The following NCOA1 variants were observed in gnomAD, a reference collection of about 807,000 sequenced individuals.
NCOA1 encodes Hin-2 protein.
NCOA1 carries 35 observed loss-of-function variants against 150.9 expected under a neutral mutation model. That is an observed-to-expected ratio of 0.23 (90% CI 0.18 to 0.31). The LOEUF (loss-of-function observed/expected upper bound fraction) is 0.31. NCOA1 is among the 10% of genes least tolerant of loss of function. The pLI, the probability that NCOA1 is intolerant of heterozygous loss-of-function variation, is 1.00. For missense variants in NCOA1, 1,491 were observed against 1,749.3 expected, an observed-to-expected ratio of 0.85 and a Z score of 2.63; for synonymous variants, 590 against 630.0, an observed-to-expected ratio of 0.94 and a Z score of 0.95.
At chr2:24,739,671 G>A in intron 18 of NCOA1, 138 bp downstream of exon 18, 1 of 564,450 alleles carries the variant, frequency 1.8e-6, no homozygotes, top group Admixed American at 3.4e-5. Context: ...CTTTGAGAAT[G>A]AATTAATAAT....
At chr2:24,493,483 A>G (rs1376317921) in intron 1 of NCOA1, among the ~76,000 whole-genome samples, 2 of 152,330 alleles carry the variant, frequency 1.3e-5, no homozygotes, top group East Asian at 3.9e-4. Context: ...AATTTTACGT[A>G]GCTTACACTT....
intron 3 of NCOA1, among the ~76,000 whole-genome samples, chr2:24,632,500 C>G (rs1669750910): frequency 6.6e-6 from 1 of 152,162 alleles, no homozygotes; most frequent in South Asian, 2.1e-4. Flanking sequence ...AACAGAGGGT[C>G]TCTTGGCTAG....
chr2:24,643,479 T>C (rs920275333), intron 3 of NCOA1, among the ~76,000 whole-genome samples: 1 of 152,328 alleles, frequency 6.6e-6, no homozygotes, highest in South Asian at 2.1e-4. Context: ...TAGTTCATCA[T>C]TACTAGAACC....
In NCOA1 at chr2:24,724,530, A is replaced by G. The variant is rs1224011855; in HGVS notation, c.2600-2059A>G. Among the ~76,000 whole-genome samples, 3 of 152,250 alleles carry G rather than the reference A, an allele frequency of 2.0e-5. No individual in the cohort carries two copies. The East Asian group carries it at 5.8e-4, about 29-fold the overall frequency. On this transcript the variant is annotated intron_variant, in intron 14 of 22. Coordinates refer to ENST00000348332, the MANE Select transcript of NCOA1 (RefSeq NM_003743.5). ...AAACTTTTTTTTGACTTAAAATTTT[A>G]TTAGTATGGGGATTTTTTTGTTTGT...
At chr2:24,540,865 C>T (rs148686998) in intron 1 of NCOA1, among the ~76,000 whole-genome samples, 2 of 152,220 alleles carry the variant, frequency 1.3e-5, no homozygotes, top group African/African-American at 4.8e-5. Context: ...ATTAAGAAGA[C>T]ATATGTGTGG....
intron 17 of NCOA1, among the ~76,000 whole-genome samples, chr2:24,733,482 G>A (rs368199412): frequency 6.6e-6 from 1 of 152,274 alleles, no homozygotes; most frequent in East Asian, 1.9e-4. Context: ...AGTGGCTCAC[G>A]CCTGTAATCC....
At chr2:24,764,093 G>A (rs946382631) in intron 22 of NCOA1, among the ~76,000 whole-genome samples, 12 of 152,228 alleles carry the variant, frequency 7.9e-5, no homozygotes, top group African/African-American at 2.7e-4. Flanking sequence ...GCTATGCACT[G>A]TATGCATTAT....
chr2:24,695,125 C>G (rs1217190060), intron 10 of NCOA1, among the ~76,000 whole-genome samples: 2 of 152,034 alleles, frequency 1.3e-5, no homozygotes, highest in Non-Finnish European at 2.9e-5. Context: ...GCTTTGAGGA[C>G]TGTATTTTCC....
chr2:24,600,078 G>T (rs531771890), intron 3 of NCOA1, among the ~76,000 whole-genome samples: 1 of 152,230 alleles, frequency 6.6e-6, no homozygotes, highest in African/African-American at 2.4e-5. Flanking sequence ...TCAGAGCCCT[G>T]TAGCTTCACT....
At chr2:24,588,479 T>C (rs1015111221) in intron 3 of NCOA1, among the ~76,000 whole-genome samples, 5 of 152,216 alleles carry the variant, frequency 3.3e-5, no homozygotes, top group African/African-American at 1.2e-4. Context: ...GAGTTCTGAT[T>C]AGTTCTGAGT....
chr2:24,726,718 A>G lies in NCOA1; in HGVS notation c.2717+12A>G. Reference sequence around the variant, plus strand: ...AGTAAATCAGAAGAGTAAGTAATACATTTTGTATTTTATAAGGTATCAGAT... The same window carrying G: ...AGTAAATCAGAAGAGTAAGTAATACGTTTTGTATTTTATAAGGTATCAGAT... On this transcript the variant is annotated intron_variant, in intron 15 of 22. Transcript: ENST00000348332. 2.6e-6 allele frequency: 4 copies of G among 1,544,614 alleles called. No homozygotes were observed. The highest frequency in any genetic ancestry group is 3.5e-6 in the Non-Finnish European group (4 of 1,131,726).
chr2:24,717,117 C>T (rs1035705915), intron 14 of NCOA1, among the ~76,000 whole-genome samples: 18 of 152,148 alleles, frequency 1.2e-4, no homozygotes, highest in Admixed American at 5.9e-4. Context: ...AATATGCTGG[C>T]GAGGATGTAG....
intron 17 of NCOA1, among the ~76,000 whole-genome samples, chr2:24,730,256 C>CA (rs1558321745): frequency 6.6e-6 from 1 of 152,184 alleles, no homozygotes; most frequent in South Asian, 2.1e-4. Context: ...CTTGAAGAGC[C>CA]ATCCTTCCTC....
At chr2:24,713,341 G>C (rs768669994) in intron 14 of NCOA1, among the ~76,000 whole-genome samples, 3 of 151,786 alleles carry the variant, frequency 2.0e-5, no homozygotes, top group Non-Finnish European at 4.4e-5. Flanking sequence ...AGAATTTTCT[G>C]ATTCCCCAGA....
chr2:24,743,828 A>G (rs1263527678), intron 19 of NCOA1, among the ~76,000 whole-genome samples: 1 of 152,228 alleles, frequency 6.6e-6, no homozygotes, highest in Non-Finnish European at 1.5e-5. Flanking sequence ...GCATTAGGGG[A>G]AAAAGCTAAC....
At chr2:24,494,304 G>T (rs544588024) in intron 1 of NCOA1, among the ~76,000 whole-genome samples, 2 of 152,116 alleles carry the variant, frequency 1.3e-5, no homozygotes, top group Non-Finnish European at 2.9e-5. Flanking sequence ...TCCCTGCTTG[G>T]TTGTCATCAA....
chr2:24,706,569 G>T lies in NCOA1; in HGVS notation c.1099G>T (p.Glu367Ter). ...FIMGIHIIDR[E>*]HSGLSPQDDT... ...ATAATAATGTCTTTTTCCCCCTAGG[G>T]AGCACAGTGGGCTTTCTCCTCAAGA... The change falls in exon 13 of 23, where the codon GAG becomes TAG. Residue 367 changes from glutamate to a stop codon, truncating the protein, a stop_gained and splice_region_variant. Transcript: ENST00000348332. LOFTEE classifies it high-confidence loss of function. 1 of 1,604,548 alleles carries T rather than the reference G, an allele frequency of 6.2e-7. No individual in the cohort carries two copies. The highest frequency in any genetic ancestry group is 1.1e-5 in the South Asian group (1 of 90,084).
At position 24,542,451 on chromosome 2, in the gene NCOA1, G is replaced by A. The variant is rs763977786; in HGVS notation, c.-395-21844G>A. ...AGATCTTTGAATTAATAGACTATAC[G>A]ATTCTAGTAGAAAATTTGGATGACT... On this transcript the variant is annotated intron_variant, in intron 1 of 22. Transcript: ENST00000348332. 4.6e-5 allele frequency among the ~76,000 whole-genome samples: 7 copies of A among 152,160 alleles called. No individual in the cohort carries two copies. The East Asian group carries it at 7.7e-4, about 17-fold the overall frequency.
chr2:24,691,411 T>A, intron 8 of NCOA1, 70 bp from the exon 9 acceptor site: 1 of 1,440,032 alleles, frequency 6.9e-7, no homozygotes, highest in East Asian at 2.3e-5. Context: ...TTAAAGTACA[T>A]CTTTTGTATC....
Sources: gnomAD v4.1 joint callset for allele counts (sites outside exome capture counted in the v4.1 genomes callset) on GRCh38, gnomAD v4.1.1 for gene constraint, MANE v1.5 for transcripts, NCBI Gene and HGNC (gene_info 2026-07-23, HGNC 2026-07-21) for gene names.